UNC13C: variants seen among roughly 807,000 people sequenced by gnomAD.
UNC13C encodes protein unc-13 homolog C.
Under a neutral mutation model 245.4 loss-of-function variants are expected in UNC13C, and 174 were observed. That is an observed-to-expected ratio of 0.71 (90% CI 0.63 to 0.80). UNC13C has a LOEUF of 0.80. UNC13C is among the 30% of genes least tolerant of loss of function. UNC13C has a pLI of 0.00. For synonymous variants in UNC13C, 992 were observed against 895.1 expected (o/e 1.11, Z -1.93); for missense variants, 2,829 against 2,602.9 (o/e 1.09, Z -1.89).
At chr15:54,065,781 A>G (rs1898047786) in intron 2 of UNC13C, among the ~76,000 whole-genome samples, 1 of 151,890 alleles carries the variant, frequency 6.6e-6, no homozygotes, top group South Asian at 2.1e-4. Flanking sequence ...TGGGAAATAC[A>G]CTCTTTTTGT....
intron 19 of UNC13C, among the ~76,000 whole-genome samples, chr15:54,425,014 G>A (rs1474639958): frequency 1.3e-5 from 2 of 151,810 alleles, no homozygotes; most frequent in African/African-American, 4.8e-5. Context: ...GATAAGCCAA[G>A]GCTGACATGC....
At chr15:54,116,663 C>G (rs2030270998) in intron 2 of UNC13C, among the ~76,000 whole-genome samples, 1 of 152,128 alleles carries the variant, frequency 6.6e-6, no homozygotes, top group South Asian at 2.1e-4. Context: ...CACGTTGTCT[C>G]TATGCATTCA....
At chr15:53,848,321 A>T in the UNC13C span, among the ~76,000 whole-genome samples, 1 of 152,058 alleles carries the variant, frequency 6.6e-6, no homozygotes, top group Admixed American at 6.6e-5. Flanking sequence ...CGCCCTCACA[A>T]ATTATGTCAT....
rs768743988 is a variant in UNC13C at position 54,014,540 on chromosome 15, T to G, written c.1637T>G (p.Leu546Arg). The G allele has an allele frequency of 6.2e-7, 1 of 1,613,848 alleles. No individual in the cohort carries two copies. Among genetic ancestry groups the G allele is most frequent in the Non-Finnish European group, 8.5e-7 (1 of 1,179,838 alleles). Reference protein sequence around the residue: ...HSQSDFFTAKLSRSESDFSKL... With the variant: ...HSQSDFFTAKRSRSESDFSKL... ...CAGAGTGATTTTTTCACTGCTAAAC[T>G]TAGTCGTTCTGAATCAGATTTTTCC... The change falls in exon 2 of 33, where the codon CTT becomes CGT. Residue 546 changes from leucine (L) to arginine (R), a missense_variant. Leu to Arg is a moderately radical substitution (Grantham distance 102). Transcript: ENST00000260323.
At position 54,415,059 on chromosome 15, in the gene UNC13C, C is replaced by T. The variant is rs1401224319; in HGVS notation, c.4925C>T (p.Ala1642Val). The change falls in exon 19 of 33, where the codon GCA (alanine) becomes GTA (valine). Residue 1642 changes from alanine (A) to valine (V), a missense_variant. By Grantham distance (64) the Ala-to-Val change is moderately conservative. Transcript: ENST00000260323. ...CTTTTTGCTCTGGATATGAAATATG[C>T]ATTAGAAGGTAATTATAAATATTTA... ...WTLFALDMKY[A>V]LEEHENQRLC... 3 of 1,600,682 alleles carry T rather than the reference C, an allele frequency of 1.9e-6. No individual in the cohort carries two copies. In the African/African-American group the frequency reaches 4.0e-5, roughly 22 times the overall value.
chr15:54,168,962 A>G (rs1048281553), intron 4 of UNC13C, among the ~76,000 whole-genome samples: 2 of 152,224 alleles, frequency 1.3e-5, no homozygotes, highest in African/African-American at 4.8e-5. Context: ...GTGTGTCTGA[A>G]AACATATTTC....
intron 4 of UNC13C, among the ~76,000 whole-genome samples, chr15:54,187,650 G>A (rs1436202213): frequency 1.3e-5 from 2 of 151,888 alleles, no homozygotes; most frequent in African/African-American, 4.8e-5. Context: ...TCCTGACCTC[G>A]GTGACAACAT....
the UNC13C span, among the ~76,000 whole-genome samples, chr15:53,888,950 T>C: frequency 6.6e-6 from 1 of 152,196 alleles, no homozygotes; most frequent in Non-Finnish European, 1.5e-5. Context: ...TTGGTTTCTG[T>C]AGCCTCGTAG....
At position 54,107,862 on chromosome 15, in the gene UNC13C, A is replaced by G. The variant is rs1900525477; in HGVS notation, c.2984-35156A>G. ...ATGATTATGTAAGAACTATAAAAAC[A>G]TCCTTTGGAAAGAAATTTTCCATTA... On this transcript the variant is annotated intron_variant, in intron 2 of 32. Transcript: ENST00000260323. Among the ~76,000 whole-genome samples the G allele has an allele frequency of 3.9e-5, 6 of 152,346 alleles. No individual in the cohort carries two copies. In the South Asian group the frequency reaches 1.2e-3, roughly 32 times the overall value.
the UNC13C span, among the ~76,000 whole-genome samples, chr15:53,938,850 C>A: frequency 6.6e-6 from 1 of 152,088 alleles, no homozygotes; most frequent in Non-Finnish European, 1.5e-5. Context: ...ACAACTAAAG[C>A]ACTGTTAAGA....
At chr15:54,626,553 C>G (rs1901166589) in intron 32 of UNC13C, among the ~76,000 whole-genome samples, 1 of 152,074 alleles carries the variant, frequency 6.6e-6, no homozygotes, top group South Asian at 2.1e-4. Flanking sequence ...CTTTCCAACT[C>G]CACCGCACCC....
intron 19 of UNC13C, among the ~76,000 whole-genome samples, chr15:54,424,711 G>T (rs781172619): frequency 6.6e-6 from 1 of 151,616 alleles, no homozygotes; most frequent in African/African-American, 2.4e-5. Flanking sequence ...AAAAACAATA[G>T]AATTAGGGGC....
intron 2 of UNC13C, among the ~76,000 whole-genome samples, chr15:54,089,075 T>C (rs951672282): frequency 6.6e-6 from 1 of 152,114 alleles, no homozygotes; most frequent in Admixed American, 6.5e-5. Flanking sequence ...TCCACCCTTC[T>C]CCTGTGCTTA....
At chr15:54,454,985 A>G (rs895393501) in intron 19 of UNC13C, among the ~76,000 whole-genome samples, 4 of 151,542 alleles carry the variant, frequency 2.6e-5, no homozygotes, top group Non-Finnish European at 5.9e-5. Flanking sequence ...CCAAGTCTCC[A>G]GAGTTCATTA....
At chr15:53,890,885 T>C in the UNC13C span, among the ~76,000 whole-genome samples, 1 of 152,168 alleles carries the variant, frequency 6.6e-6, no homozygotes, top group Non-Finnish European at 1.5e-5. Flanking sequence ...CTGATCTTAG[T>C]TATGTCTTGT....
intron 29 of UNC13C, 76 bp downstream of exon 29, chr15:54,555,588 A>G (rs11639014): frequency 0.37 from 414,136 of 1,119,950 alleles, 80,147 homozygotes; most frequent in East Asian, 0.55. Context: ...CCCTGATCTT[A>G]GCCATGTATC....
chr15:54,109,870 T>G (rs1423782833), intron 2 of UNC13C, among the ~76,000 whole-genome samples: 1 of 152,106 alleles, frequency 6.6e-6, no homozygotes, highest in African/African-American at 2.4e-5. Context: ...CAACCTTTTC[T>G]CCATGAAACT....
At chr15:54,518,282 G>A (rs11639155) in intron 24 of UNC13C, among the ~76,000 whole-genome samples, 8,580 of 152,200 alleles carry the variant, frequency 0.056, 357 homozygotes, top group East Asian at 0.13. Context: ...AGGTTGAAAG[G>A]TTTTTTGGTT....
chr15:54,455,238 T>TATATATATATATATATATATATATATAA (rs1416569966), intron 19 of UNC13C, among the ~76,000 whole-genome samples: 3 of 70,142 alleles, frequency 4.3e-5, no homozygotes, highest in Non-Finnish European at 5.7e-5. Flanking sequence ...TATATATATA[T>TATATATATATATATATATATATATATAA]GTTTTTTAAT....
Sources: allele counts gnomAD v4.1 joint callset (sites outside exome capture counted in the v4.1 genomes callset), GRCh38; gene constraint gnomAD v4.1.1; transcripts MANE v1.5; gene names NCBI Gene and HGNC (gene_info 2026-07-23, HGNC 2026-07-21).